Variants in PLEKHA7 observed in about 807,000 individuals in gnomAD.
The protein encoded by PLEKHA7 is pleckstrin homology domain-containing family A member 7.
In PLEKHA7, 104 loss-of-function variants were observed where a neutral mutation model predicts 170.0. The ratio of observed to expected loss-of-function variants is 0.61; its 90% CI spans 0.52 to 0.72. The LOEUF (loss-of-function observed/expected upper bound fraction) is 0.72. PLEKHA7 is among the 30% of genes least tolerant of loss of function. The probability of loss-of-function intolerance (pLI) is 0.00; values close to 1 mark genes in which losing one functional copy is unlikely to be tolerated. For synonymous variants in PLEKHA7, 648 were observed against 660.8 expected, an observed-to-expected ratio of 0.98 and a Z score of 0.30; for missense variants, 1,615 against 1,671.7, an observed-to-expected ratio of 0.97 and a Z score of 0.59.
intron 3 of PLEKHA7, chr11:16,881,192 G>C (rs1380134546): frequency 6.6e-6 from 1 of 152,192 alleles, no homozygotes; most frequent in Non-Finnish European, 1.5e-5. Context: ...TCATGAATCA[G>C]AATATACCAC....
rs2135264857 is a variant in PLEKHA7 at position 16,841,690 on chromosome 11, A to G, written c.729T>C (p.Tyr243=). 6.2e-7 allele frequency: 1 copy of G among 1,614,182 alleles called. No individual in the cohort carries two copies. Among genetic ancestry groups the G allele is most frequent in the East Asian group, 2.2e-5 (1 of 44,886 alleles). Reference sequence around the variant, plus strand: ...CCTGAGAGCCCGCTGTGGAGCTGTTATAGATGAGCGCTCGCATCCCCGTGT... The same window carrying G: ...CCTGAGAGCCCGCTGTGGAGCTGTTGTAGATGAGCGCTCGCATCCCCGTGT... The part of the protein sequence containing the change: ...AVHTGMRALI[Y]NSSTAGSQAE... Residue 243 remains tyrosine, a synonymous_variant, in exon 9 of 27, where the codon TAT becomes TAC. Transcript: ENST00000531066.
chr11:16,782,858 T>C lies in PLEKHA7; in HGVS notation c.3689A>G (p.Asn1230Ser). The C allele has an allele frequency of 2.6e-6, 4 of 1,536,144 alleles. No individual in the cohort carries two copies. The highest frequency in any genetic ancestry group is 3.5e-6 in the Non-Finnish European group (4 of 1,146,896). The change falls in exon 26 of 27, where the codon AAC becomes AGC. Residue 1230 changes from asparagine (N) to serine (S), a missense_variant. Coordinates refer to ENST00000531066, the MANE Select transcript of PLEKHA7 (RefSeq NM_001329630.2). ...NLQPTSGQDQ[N>S]SVADLDLQLQ... ...CTGCAAGTCCAGGTCAGCCACACTG[T>C]TCTGGTCCTGGCCTGAGGTCGGCTG... is the stretch of plus-strand genomic sequence containing the variant.
chr11:16,889,420 A>AAAAAAAAATATAT (rs61086849), intron 3 of PLEKHA7, among the ~76,000 whole-genome samples: 94 of 74,626 alleles, frequency 1.3e-3, no homozygotes, highest in African/African-American at 1.7e-3. Flanking sequence ...AAAAAAAAAA[A>AAAAAAAAATATAT]ATATATATAT....
At position 17,014,047 on chromosome 11, in the gene PLEKHA7, C is replaced by T; in HGVS notation, c.164-1G>A. The T allele has an allele frequency of 2.2e-5, 34 of 1,564,308 alleles. No individual in the cohort carries two copies. Among genetic ancestry groups the T allele is most frequent in the Non-Finnish European group, 2.8e-5 (32 of 1,155,314 alleles). On this transcript the variant is annotated splice_acceptor_variant, in intron 2 of 26. Coordinates refer to ENST00000531066, the MANE Select transcript of PLEKHA7 (RefSeq NM_001329630.2). LOFTEE classifies it high-confidence loss of function. ...CCCTCCTCCCAGCCGCGGGGCAGGT[C>T]TGCGGAAACGCCAGAAAAGTCGGGT...
chr11:16,894,827 G>A (rs1330953639), intron 3 of PLEKHA7, among the ~76,000 whole-genome samples: 1 of 152,120 alleles, frequency 6.6e-6, no homozygotes, highest in Non-Finnish European at 1.5e-5. Context: ...AGGTAAAAGA[G>A]AGAGATCCAT....
intron 3 of PLEKHA7, among the ~76,000 whole-genome samples, chr11:16,955,578 T>C (rs1481201340): frequency 6.6e-6 from 1 of 152,144 alleles, no homozygotes; most frequent in African/African-American, 2.4e-5. Flanking sequence ...ATAGAGGAGA[T>C]GATGTATATA....
chr11:17,006,456 A>G (rs10832715), intron 3 of PLEKHA7, among the ~76,000 whole-genome samples: 95,944 of 151,270 alleles, frequency 0.63, 31,053 homozygotes, highest in East Asian at 0.96. Context: ...GTGAAACCCC[A>G]TCTGTACTAA....
At chr11:16,902,290 T>C (rs528084566) in intron 3 of PLEKHA7, among the ~76,000 whole-genome samples, 18 of 152,382 alleles carry the variant, frequency 1.2e-4, no homozygotes, top group South Asian at 6.2e-4. Context: ...TTATGAATCA[T>C]GTAGCTATGA....
chr11:16,801,170 C>G, intron 16 of PLEKHA7, 95 bp from the exon 17 acceptor site: 1 of 1,085,578 alleles, frequency 9.2e-7, no homozygotes, highest in South Asian at 1.3e-5. Flanking sequence ...CTGACCCAGC[C>G]AGGGGAAGAG....
chr11:16,921,825 G>C (rs1239550898), intron 3 of PLEKHA7, among the ~76,000 whole-genome samples: 5 of 152,252 alleles, frequency 3.3e-5, no homozygotes, highest in Non-Finnish European at 1.5e-5. Context: ...AAGAACAACT[G>C]TGTGAGGCAG....
intron 3 of PLEKHA7, among the ~76,000 whole-genome samples, chr11:16,946,637 T>A (rs1861047987): frequency 6.6e-6 from 1 of 152,166 alleles, no homozygotes; most frequent in Non-Finnish European, 1.5e-5. Context: ...AGTACCTAAT[T>A]AGAATGGCAA....
At chr11:16,837,067 G>A (rs566691107) in intron 9 of PLEKHA7, among the ~76,000 whole-genome samples, 5 of 152,160 alleles carry the variant, frequency 3.3e-5, no homozygotes, top group South Asian at 2.1e-4. Flanking sequence ...CAAGTTGTCC[G>A]CCTGCTTCGG....
chr11:16,916,553 G>A (rs992191268), intron 3 of PLEKHA7, among the ~76,000 whole-genome samples: 1 of 152,188 alleles, frequency 6.6e-6, no homozygotes, highest in Non-Finnish European at 1.5e-5. Context: ...ATCGGACAAT[G>A]TGTAAAAAAG....
At chr11:16,870,149 A>G (rs937821381) in intron 4 of PLEKHA7, among the ~76,000 whole-genome samples, 2 of 152,202 alleles carry the variant, frequency 1.3e-5, no homozygotes, top group African/African-American at 2.4e-5. Flanking sequence ...GAGGAGCAGG[A>G]AAGTTCCCAT....
chr11:16,923,264 T>A (rs987359151), intron 3 of PLEKHA7, among the ~76,000 whole-genome samples: 1 of 152,140 alleles, frequency 6.6e-6, no homozygotes, highest in South Asian at 2.1e-4. Context: ...CTTTTCATAA[T>A]AGAAAAACCT....
intron 3 of PLEKHA7, among the ~76,000 whole-genome samples, chr11:17,008,992 A>G (rs1215939572): frequency 1.3e-5 from 2 of 152,170 alleles, no homozygotes; most frequent in East Asian, 3.8e-4. Context: ...ACCCCTAATC[A>G]ACATAGGAGA....
chr11:16,950,226 GA>G (rs1290277967), intron 3 of PLEKHA7, among the ~76,000 whole-genome samples: 1 of 152,088 alleles, frequency 6.6e-6, no homozygotes, highest in Non-Finnish European at 1.5e-5. Context: ...TGTGAGGCAA[GA>G]AAATAGAACC....
chr11:16,781,339 C>G (rs898831492), intron 26 of PLEKHA7: 3 of 152,462 alleles, frequency 2.0e-5, no homozygotes, highest in African/African-American at 7.2e-5. Flanking sequence ...GGGAACTGGC[C>G]GCAGCATGTT....
At chr11:16,996,166 CA>C (rs1864327086) in intron 3 of PLEKHA7, among the ~76,000 whole-genome samples, 1 of 152,178 alleles carries the variant, frequency 6.6e-6, no homozygotes, top group South Asian at 2.1e-4. Context: ...TTAATCTCTG[CA>C]AAAGACCTAA....
Sources: allele counts gnomAD v4.1 joint callset (sites outside exome capture counted in the v4.1 genomes callset), GRCh38; gene constraint gnomAD v4.1.1; transcripts MANE v1.5; gene names NCBI Gene and HGNC (gene_info 2026-07-23, HGNC 2026-07-21).